Variants in CES5A observed in about 807,000 individuals in gnomAD.
CES5A encodes the protein carboxylesterase 5A.
A neutral mutation model predicts 62.9 loss-of-function variants in CES5A; 67 were observed. That is an observed-to-expected ratio of 1.07 (90% CI 0.88 to 1.31). CES5A has a LOEUF of 1.31. CES5A is among the 50% of genes most tolerant of loss of function. CES5A has a pLI of 0.00. For synonymous variants in CES5A, 296 were observed against 280.8 expected, an observed-to-expected ratio of 1.05 and a Z score of -0.54; for missense variants, 748 against 708.5, an observed-to-expected ratio of 1.06 and a Z score of -0.63.
In CES5A at chr16:55,869,674, G is replaced by A; in HGVS notation, c.488C>T (p.Ala163Val). ...SASIFDGSAL[A>V]AYEDVLVVVV... ...CACAACCAGCACGTCCTCATAGGCA[G>A]CCAGGGCGGACCCATCAAAGATGGA... The change falls in exon 4 of 13, where the codon GCT (alanine) becomes GTT (valine). Residue 163 changes from alanine to valine, a missense_variant. Transcript: ENST00000290567. 1 of 1,613,088 alleles carries A rather than the reference G, an allele frequency of 6.2e-7. No homozygotes were observed. The highest frequency in any genetic ancestry group is 8.5e-7 in the Non-Finnish European group (1 of 1,179,516).
chr16:55,938,613 T>A (rs2034403231), intron 2 of CES5A, among the ~76,000 whole-genome samples: 1 of 150,204 alleles, frequency 6.7e-6, no homozygotes, highest in Admixed American at 6.6e-5. Flanking sequence ...GGCGGGTGCC[T>A]ATAGTCCCAG....
chr16:55,930,962 C>T (rs555353821), intron 2 of CES5A, among the ~76,000 whole-genome samples: 8 of 152,282 alleles, frequency 5.3e-5, no homozygotes, highest in Non-Finnish European at 8.8e-5. Flanking sequence ...GATCATGGTG[C>T]CTGAAATCCC....
intron 1 of CES5A, among the ~76,000 whole-genome samples, chr16:55,901,591 T>C (rs547383996): frequency 8.5e-5 from 13 of 152,328 alleles, no homozygotes; most frequent in South Asian, 2.1e-4. Flanking sequence ...TATCCAATCC[T>C]TGGCTCGGGC....
At chr16:55,871,987 C>T (rs1200877835) in intron 2 of CES5A, 1 of 508,418 alleles carries the variant, frequency 2.0e-6, no homozygotes, top group Non-Finnish European at 3.6e-6. Flanking sequence ...TAGGAAAGCA[C>T]ATGGTGTAGA....
chr16:55,891,289 T>G (rs1370353585), intron 1 of CES5A, among the ~76,000 whole-genome samples: 1 of 152,218 alleles, frequency 6.6e-6, no homozygotes, highest in African/African-American at 2.4e-5. Flanking sequence ...CATTGCTCCA[T>G]CTGTGAGGGC....
chr16:55,850,679 T>C (rs1266607613), intron 10 of CES5A, among the ~76,000 whole-genome samples: 1 of 152,238 alleles, frequency 6.6e-6, no homozygotes, highest in East Asian at 1.9e-4. Context: ...ACAAGAGTGC[T>C]ATGAACATTC....
At chr16:55,899,045 A>G (rs1049940439) in intron 1 of CES5A, among the ~76,000 whole-genome samples, 2 of 152,172 alleles carry the variant, frequency 1.3e-5, no homozygotes, top group East Asian at 1.9e-4. Flanking sequence ...TAAAAACCCC[A>G]TACAACATAA....
chr16:55,854,659 G>A (rs568165941), intron 9 of CES5A, among the ~76,000 whole-genome samples: 1 of 146,964 alleles, frequency 6.8e-6, no homozygotes, highest in Non-Finnish European at 1.5e-5. Flanking sequence ...GGCCTCCCAA[G>A]TAGCTGGCAC....
At chr16:55,849,428 A>G (rs1182984234) in intron 11 of CES5A, among the ~76,000 whole-genome samples, 196 bp downstream of exon 11, 1 of 152,186 alleles carries the variant, frequency 6.6e-6, no homozygotes, top group Non-Finnish European at 1.5e-5. Context: ...AGAAGCCCTC[A>G]TCAAGCAACT....
chr16:55,938,927 G>C (rs1390194180), intron 2 of CES5A, among the ~76,000 whole-genome samples: 3 of 150,384 alleles, frequency 2.0e-5, no homozygotes, highest in African/African-American at 7.4e-5. Context: ...GAAGTGGGGT[G>C]GGGGGTTGTT....
At chr16:55,939,491 A>AT (rs1269795293) in intron 2 of CES5A, among the ~76,000 whole-genome samples, 1 of 152,060 alleles carries the variant, frequency 6.6e-6, no homozygotes, top group Non-Finnish European at 1.5e-5. Context: ...GTTATGAATT[A>AT]TTTTTTCCCC....
chr16:55,869,271 G>A (rs1291830768), intron 4 of CES5A, among the ~76,000 whole-genome samples: 8 of 152,108 alleles, frequency 5.3e-5, no homozygotes, highest in Admixed American at 1.3e-4. Flanking sequence ...ATGCTGTCTC[G>A]GTCCACCCAC....
intron 1 of CES5A, among the ~76,000 whole-genome samples, chr16:55,901,010 C>G (rs1386032678): frequency 6.6e-6 from 1 of 152,102 alleles, no homozygotes; most frequent in Non-Finnish European, 1.5e-5. Context: ...AGGCCAGGGG[C>G]CTCATATGGT....
chr16:55,941,657 A>G (rs1163648485), intron 2 of CES5A, among the ~76,000 whole-genome samples: 1 of 152,088 alleles, frequency 6.6e-6, no homozygotes, highest in Non-Finnish European at 1.5e-5. Flanking sequence ...TAGAATAGCC[A>G]AAACAATTTT....
intron 1 of CES5A, among the ~76,000 whole-genome samples, chr16:55,955,381 G>T (rs2034598326): frequency 6.6e-6 from 1 of 152,146 alleles, no homozygotes. Flanking sequence ...AACCTTTAAA[G>T]ATGCATTTAA....
At chr16:55,915,162 C>T (rs1354829433) in intron 1 of CES5A, among the ~76,000 whole-genome samples, 5 of 152,168 alleles carry the variant, frequency 3.3e-5, no homozygotes, top group Non-Finnish European at 7.4e-5. Flanking sequence ...AAACACACAC[C>T]AGGTACCGGG....
At chr16:55,895,203 T>G (rs879329071) in intron 1 of CES5A, among the ~76,000 whole-genome samples, 11 of 146,574 alleles carry the variant, frequency 7.5e-5, no homozygotes, top group African/African-American at 2.7e-4. Context: ...AATTTGGTTG[T>G]TTTTTTTTCC....
upstream of CES5A, among the ~76,000 whole-genome samples, chr16:55,878,504 A>G (rs1294029566): frequency 6.6e-6 from 1 of 151,836 alleles, no homozygotes; most frequent in Non-Finnish European, 1.5e-5. Context: ...TGACCTTCAA[A>G]TCTTTTCTCA....
chr16:55,936,704 C>T (rs1230600636), intron 2 of CES5A, among the ~76,000 whole-genome samples: 1 of 152,194 alleles, frequency 6.6e-6, no homozygotes, highest in African/African-American at 2.4e-5. Context: ...AGACATTAGG[C>T]TGCTAGTAGC....
Sources: allele counts gnomAD v4.1 joint callset (sites outside exome capture counted in the v4.1 genomes callset), GRCh38; gene constraint gnomAD v4.1.1; transcripts MANE v1.5; gene names NCBI Gene and HGNC (gene_info 2026-07-23, HGNC 2026-07-21).